NECAB2: variants seen among roughly 807,000 people sequenced by gnomAD.
The protein encoded by NECAB2 is N-terminal EF-hand calcium binding protein 2, also known as N-terminal EF-hand calcium-binding protein 2.
A neutral mutation model predicts 51.9 loss-of-function variants in NECAB2; 68 were observed. The observed-to-expected ratio is 1.31, with a 90% CI of 1.08 to 1.60. The LOEUF (loss-of-function observed/expected upper bound fraction) is 1.60. Among genes scored for constraint, NECAB2 ranks in the 40% most tolerant of loss-of-function variants. NECAB2 has a pLI of 0.00. For missense variants in NECAB2, 854 were observed against 490.3 expected (o/e 1.74, Z -7.00); for synonymous variants, 329 against 203.5 (o/e 1.62, Z -5.25).
intron 6 of NECAB2, among the ~76,000 whole-genome samples, chr16:83,993,129 C>T (rs1001400780): frequency 6.6e-6 from 1 of 152,132 alleles, no homozygotes; most frequent in African/African-American, 2.4e-5. Flanking sequence ...GCTAGTTTGG[C>T]TCTAGGCTGT....
chr16:83,990,215 C>T (rs888191000), intron 5 of NECAB2, among the ~76,000 whole-genome samples: 4 of 152,174 alleles, frequency 2.6e-5, no homozygotes, highest in Admixed American at 1.3e-4. Context: ...TCGCTACAAC[C>T]TTGTAAGATA....
chr16:83,969,494 A>G (rs1258971410), intron 1 of NECAB2, among the ~76,000 whole-genome samples: 4 of 133,482 alleles, frequency 3.0e-5, no homozygotes, highest in African/African-American at 1.1e-4. Flanking sequence ...CTTCCATTCC[A>G]AGTCCTCTGT....
chr16:83,980,029 C>T (rs921068855), intron 3 of NECAB2, among the ~76,000 whole-genome samples: 2 of 152,176 alleles, frequency 1.3e-5, no homozygotes, highest in African/African-American at 4.8e-5. Flanking sequence ...ATGCAGAGCC[C>T]CCGAGTGCAG....
At chr16:83,990,417 C>G (rs1214234469) in intron 5 of NECAB2, 77 bp from the exon 6 acceptor site, 3 of 1,552,488 alleles carry the variant, frequency 1.9e-6, no homozygotes, top group Non-Finnish European at 2.6e-6. Context: ...AGCTTTCCCC[C>G]AACTCCTGTG....
chr16:83,981,176 C>T lies in NECAB2; in HGVS notation c.459+49C>T, dbSNP rs754015070. Reference sequence around the variant, plus strand: ...GGGGTCCAGGGCTCCAGTGCTGCTTCAGTTCCACCCTTGCCTAAGGATGCC... The same window carrying T: ...GGGGTCCAGGGCTCCAGTGCTGCTTTAGTTCCACCCTTGCCTAAGGATGCC... On this transcript the variant is annotated intron_variant, in intron 5 of 12. Transcript: ENST00000305202. The T allele has an allele frequency of 1.0e-5, 13 of 1,263,314 alleles. No homozygotes were observed. The Admixed American group carries it at 2.9e-4, about 28-fold the overall frequency. The allele number at this position is 1,263,314 out of a possible 1,614,324, so 78.3% of individuals were successfully genotyped here. A position where few individuals can be genotyped will look rare whatever the true frequency, so the allele number is the denominator to read the frequency against.
At chr16:84,000,229 C>T (rs770352124) in intron 10 of NECAB2, among the ~76,000 whole-genome samples, 8 of 152,162 alleles carry the variant, frequency 5.3e-5, no homozygotes, top group Non-Finnish European at 1.0e-4. Flanking sequence ...TAAATGTTCA[C>T]ACTTTAACAT....
At chr16:83,997,316 G>A in intron 9 of NECAB2, 47 bp downstream of exon 9, 2 of 1,611,212 alleles carry the variant, frequency 1.2e-6, no homozygotes, top group Non-Finnish European at 1.7e-6. Context: ...CCCTACCCAT[G>A]CCAGGACTGC....
chr16:83,992,964 G>A (rs1042587124), intron 6 of NECAB2, among the ~76,000 whole-genome samples: 1 of 152,196 alleles, frequency 6.6e-6, no homozygotes, highest in African/African-American at 2.4e-5. Flanking sequence ...TTTCAGGGCA[G>A]ACTTCCCACA....
intron 11 of NECAB2, 120 bp from the exon 12 acceptor site, chr16:84,001,705 A>G (rs1023012084): frequency 7.6e-6 from 8 of 1,051,482 alleles, no homozygotes; most frequent in Non-Finnish European, 9.8e-6. Context: ...TCTGAGTCCA[A>G]AGACCCCCCG....
chr16:83,966,594 G>A (rs1037311175), upstream of NECAB2, among the ~76,000 whole-genome samples: 1 of 151,932 alleles, frequency 6.6e-6, no homozygotes, highest in African/African-American at 2.4e-5. Flanking sequence ...CTGCAGCCCC[G>A]CCCCCTCCGC....
intron 9 of NECAB2, 117 bp downstream of exon 9, chr16:83,997,386 G>T: frequency 7.5e-7 from 1 of 1,338,846 alleles, no homozygotes; most frequent in Non-Finnish European, 1.0e-6. Flanking sequence ...CCACCAGGAG[G>T]GGAGATGTCG....
intron 3 of NECAB2, among the ~76,000 whole-genome samples, chr16:83,980,026 G>A (rs2084464553): frequency 6.6e-6 from 1 of 152,208 alleles, no homozygotes; most frequent in Non-Finnish European, 1.5e-5. Context: ...AGCATGCAGA[G>A]CCCCCGAGTG....
At chr16:83,990,472 G>C (rs1481321807) in intron 5 of NECAB2, 22 bp from the exon 6 acceptor site, 1 of 1,612,904 alleles carries the variant, frequency 6.2e-7, no homozygotes, top group Non-Finnish European at 8.5e-7. Context: ...TCCCCTCAGT[G>C]CCTCTTCTCT....
chr16:83,999,045 ACACT>A lies in NECAB2; in HGVS notation c.962+731_962+734del, dbSNP rs575538721. Among the ~76,000 whole-genome samples the A allele has an allele frequency of 5.0e-3, 755 of 152,258 alleles. 6 individuals carry two copies. Among genetic ancestry groups the A allele is most frequent in the Middle Eastern group, 0.017 (5 of 294 alleles). On this transcript the variant is annotated intron_variant, in intron 10 of 12. Coordinates refer to ENST00000305202, the MANE Select transcript of NECAB2 (RefSeq NM_019065.3). ...GGGCTTTCTTCCATCCCCAGAGCAC[ACACT>A]CATTCACCCCATTGCCTGGGGACAT...
chr16:83,990,970 C>T (rs1365771165), intron 6 of NECAB2, among the ~76,000 whole-genome samples: 4 of 151,946 alleles, frequency 2.6e-5, no homozygotes, highest in Non-Finnish European at 5.9e-5. Flanking sequence ...TTGTTTGGCC[C>T]ACGTTTTATT....
At chr16:83,978,374 G>C (rs925332) in intron 2 of NECAB2, 70 bp from the exon 3 acceptor site, 19 of 1,253,876 alleles carry the variant, frequency 1.5e-5, no homozygotes, top group Non-Finnish European at 2.2e-5. Context: ...TTTGGGGGCC[G>C]TGCATGCACT....
chr16:83,978,666 C>G (rs571005116), intron 3 of NECAB2, 114 bp downstream of exon 3: 9 of 880,660 alleles, frequency 1.0e-5, no homozygotes, highest in Non-Finnish European at 1.4e-5. Flanking sequence ...ACTGAAAATC[C>G]CCAAATTTGC....
At chr16:84,001,454 T>TGTCCGTACTTCAGTGACTCATA (rs1488942311) in intron 11 of NECAB2, among the ~76,000 whole-genome samples, 11 of 152,152 alleles carry the variant, frequency 7.2e-5, no homozygotes, top group African/African-American at 2.7e-4. Context: ...GTCCCCTCCC[T>TGTCCGTACTTCAGTGACTCATA]GTCCGTACTT....
At chr16:83,974,213 G>C (rs878994408) in intron 2 of NECAB2, among the ~76,000 whole-genome samples, 1 of 152,152 alleles carries the variant, frequency 6.6e-6, no homozygotes, top group Admixed American at 6.5e-5. Context: ...AGCTTCCCAG[G>C]TCCCCCAGCC....
Sources: gnomAD v4.1 joint callset for allele counts (sites outside exome capture counted in the v4.1 genomes callset) on GRCh38, gnomAD v4.1.1 for gene constraint, MANE v1.5 for transcripts, NCBI Gene and HGNC (gene_info 2026-07-23, HGNC 2026-07-21) for gene names.